Variants in CERS6 observed in about 807,000 individuals in gnomAD.
The protein encoded by CERS6 is ceramide synthase 6.
Under a neutral mutation model 56.8 loss-of-function variants are expected in CERS6, and 26 were observed. The observed-to-expected ratio is 0.46, with a 90% CI of 0.34 to 0.63. The LOEUF (loss-of-function observed/expected upper bound fraction) is 0.63. Ranked by LOEUF, CERS6 falls within the 30% of genes least tolerant of loss-of-function variation. The pLI, the probability that CERS6 is intolerant of heterozygous loss-of-function variation, is 0.01. For missense variants in CERS6, 415 were observed against 467.5 expected, an observed-to-expected ratio of 0.89 and a Z score of 1.04; for synonymous variants, 164 against 173.3, an observed-to-expected ratio of 0.95 and a Z score of 0.42.
intron 3 of CERS6, among the ~76,000 whole-genome samples, chr2:168,603,909 A>C (rs1259651898): frequency 6.6e-6 from 1 of 152,208 alleles, no homozygotes; most frequent in Non-Finnish European, 1.5e-5. Flanking sequence ...TCCGTAGTCT[A>C]TATCCAAGTC....
chr2:168,656,195 G>C (rs888465045), intron 4 of CERS6, among the ~76,000 whole-genome samples: 1 of 152,204 alleles, frequency 6.6e-6, no homozygotes, highest in Non-Finnish European at 1.5e-5. Flanking sequence ...TGTGGAACAG[G>C]CATTCCTTTA....
chr2:168,499,598 C>A (rs1464979774), intron 1 of CERS6, among the ~76,000 whole-genome samples: 1 of 152,134 alleles, frequency 6.6e-6, no homozygotes, highest in Non-Finnish European at 1.5e-5. Context: ...TTCTACCTCA[C>A]CTGGTGTTGA....
chr2:168,529,984 G>A (rs113391353), intron 1 of CERS6, among the ~76,000 whole-genome samples: 1,523 of 151,992 alleles, frequency 0.01, 33 homozygotes, highest in African/African-American at 0.035. Flanking sequence ...GTGTAGAGGC[G>A]CTGAAGGCCT....
chr2:168,512,335 A>AT (rs1694803381), intron 1 of CERS6, among the ~76,000 whole-genome samples: 1 of 151,996 alleles, frequency 6.6e-6, no homozygotes, highest in Non-Finnish European at 1.5e-5. Context: ...AATACAGTAA[A>AT]TTTTTTGCTG....
chr2:168,715,201 C>T, intron 7 of CERS6, 72 bp downstream of exon 7: 1 of 1,359,770 alleles, frequency 7.4e-7, no homozygotes, highest in African/African-American at 1.5e-5. Flanking sequence ...ATTAGCTCTT[C>T]AGTGTTATGC....
intron 6 of CERS6, among the ~76,000 whole-genome samples, chr2:168,703,581 A>C (rs551205434): frequency 6.6e-6 from 1 of 152,144 alleles, no homozygotes; most frequent in East Asian, 1.9e-4. Flanking sequence ...ACAAAAAAAA[A>C]GTGACTCCCA....
Position 168,744,344 on chromosome 2 carries a change from A to G in CERS6, c.846-21248A>G, listed in dbSNP as rs1295398985. Among the ~76,000 whole-genome samples the G allele has an allele frequency of 2.7e-4, 41 of 151,398 alleles. 1 individual carries two copies. Among genetic ancestry groups the G allele is most frequent in the Admixed American group, 2.7e-3 (41 of 15,198 alleles). On this transcript the variant is annotated intron_variant, in intron 8 of 9. Transcript: ENST00000305747. ...TGGTTAGGAATCATTCTTTATATGA[A>G]CTACATGTGGGTGGAGATAAGTACA...
chr2:168,769,884 C>T lies in CERS6; in HGVS notation c.*222C>T. 1.9e-6 allele frequency: 1 copy of T among 534,390 alleles called. No individual in the cohort carries two copies. The highest frequency in any genetic ancestry group is 3.5e-5 in the East Asian group (1 of 28,862). The allele number at this position is 534,390 out of a possible 1,614,324, so 33.1% of individuals were successfully genotyped here. A position where few individuals can be genotyped will look rare whatever the true frequency, so the allele number is the denominator to read the frequency against. On this transcript the variant is annotated 3_prime_UTR_variant, in exon 10 of 10. Transcript: ENST00000305747. ...GCTGTATGTAATTGACACAAGGGAA[C>T]AGTATTTGCATTTGTACTGTCTTAG...
chr2:168,765,500 T>G (rs1684706105), intron 8 of CERS6, 92 bp from the exon 9 acceptor site: 2 of 1,310,602 alleles, frequency 1.5e-6, no homozygotes, highest in Middle Eastern at 1.9e-4. Flanking sequence ...TTGGGAGATA[T>G]TGTTGACCTT....
At chr2:168,651,508 A>G (rs1685339273) in intron 4 of CERS6, among the ~76,000 whole-genome samples, 1 of 152,226 alleles carries the variant, frequency 6.6e-6, no homozygotes, top group Non-Finnish European at 1.5e-5. Flanking sequence ...TATAAAGAAA[A>G]GAGGTTTAAT....
chr2:168,463,565 A>T (rs767908900), intron 1 of CERS6, among the ~76,000 whole-genome samples: 18 of 152,202 alleles, frequency 1.2e-4, no homozygotes, highest in Non-Finnish European at 2.5e-4. Flanking sequence ...GTCCAGAAAG[A>T]TTATACCCAT....
chr2:168,579,232 A>G (rs1168135481), intron 3 of CERS6, among the ~76,000 whole-genome samples: 1 of 152,092 alleles, frequency 6.6e-6, no homozygotes, highest in Non-Finnish European at 1.5e-5. Flanking sequence ...ATTTCTTGGG[A>G]GGAAAAGTGG....
At chr2:168,730,272 A>G (rs188049753) in intron 8 of CERS6, among the ~76,000 whole-genome samples, 4 of 152,336 alleles carry the variant, frequency 2.6e-5, no homozygotes, top group Admixed American at 6.5e-5. Context: ...AGAAATGCTT[A>G]GTTTATAAAG....
At chr2:168,580,818 A>G (rs1429448044) in intron 3 of CERS6, among the ~76,000 whole-genome samples, 1 of 152,142 alleles carries the variant, frequency 6.6e-6, no homozygotes, top group East Asian at 1.9e-4. Context: ...TGATTATATC[A>G]TCGCACTGTC....
chr2:168,578,610 A>G (rs1012676676), intron 3 of CERS6, among the ~76,000 whole-genome samples: 2 of 152,232 alleles, frequency 1.3e-5, no homozygotes, highest in Non-Finnish European at 2.9e-5. Flanking sequence ...AAGCTGTATA[A>G]AAATAAGAGA....
chr2:168,673,602 G>A (rs974490921), intron 4 of CERS6, among the ~76,000 whole-genome samples: 1 of 152,208 alleles, frequency 6.6e-6, no homozygotes, highest in African/African-American at 2.4e-5. Context: ...AGCCAGATGG[G>A]AGAATTGGCT....
At chr2:168,635,742 G>A (rs1452475140) in intron 4 of CERS6, among the ~76,000 whole-genome samples, 2 of 152,178 alleles carry the variant, frequency 1.3e-5, no homozygotes, top group Non-Finnish European at 2.9e-5. Flanking sequence ...GTGGTTGAGA[G>A]TGCCCCGTCA....
At chr2:168,472,292 C>T (rs989477054) in intron 1 of CERS6, among the ~76,000 whole-genome samples, 4 of 152,144 alleles carry the variant, frequency 2.6e-5, no homozygotes, top group African/African-American at 9.7e-5. Flanking sequence ...AGTGAATACA[C>T]CATGTGTTCA....
chr2:168,743,237 T>C (rs1406367018), intron 8 of CERS6, among the ~76,000 whole-genome samples: 1 of 149,746 alleles, frequency 6.7e-6, no homozygotes, highest in Non-Finnish European at 1.5e-5. Context: ...TATATATATG[T>C]GTGTGTGTAT....
Sources: gnomAD v4.1 joint callset for allele counts (sites outside exome capture counted in the v4.1 genomes callset) on GRCh38, gnomAD v4.1.1 for gene constraint, MANE v1.5 for transcripts, NCBI Gene and HGNC (gene_info 2026-07-23, HGNC 2026-07-21) for gene names.